Variants in CDKAL1 observed in about 807,000 individuals in gnomAD.
CDKAL1 encodes the protein CDKAL1 threonylcarbamoyladenosine tRNA methylthiotransferase, also known as threonylcarbamoyladenosine tRNA methylthiotransferase.
Under a neutral mutation model 68.2 loss-of-function variants are expected in CDKAL1, and 32 were observed. The observed-to-expected ratio is 0.47, with a 90% CI of 0.35 to 0.63. CDKAL1 has a LOEUF of 0.63. Among genes scored for constraint, CDKAL1 ranks in the 30% least tolerant of loss-of-function variants. The pLI is 0.00. For synonymous variants in CDKAL1, 234 were observed against 244.3 expected (o/e 0.96, Z 0.39); for missense variants, 606 against 696.7 (o/e 0.87, Z 1.47).
At chr6:21,067,846 A>C (rs1387583983) in intron 12 of CDKAL1, among the ~76,000 whole-genome samples, 1 of 152,232 alleles carries the variant, frequency 6.6e-6, no homozygotes, top group Non-Finnish European at 1.5e-5. Flanking sequence ...AAATGGTAGA[A>C]GCTCCATATT....
intron 13 of CDKAL1, among the ~76,000 whole-genome samples, chr6:21,151,684 T>C (rs150698197): frequency 1.6e-4 from 24 of 152,318 alleles, no homozygotes; most frequent in African/African-American, 5.8e-4. Context: ...CCTTATCTCA[T>C]TTCCCCCTTT....
At chr6:21,107,778 C>T (rs553651866) in intron 12 of CDKAL1, among the ~76,000 whole-genome samples, 1 of 152,294 alleles carries the variant, frequency 6.6e-6, no homozygotes, top group East Asian at 1.9e-4. Context: ...TATGTGTCAT[C>T]ATTACAGATA....
intron 7 of CDKAL1, among the ~76,000 whole-genome samples, chr6:20,760,217 C>T (rs912538315): frequency 3.3e-5 from 5 of 152,024 alleles, no homozygotes; most frequent in Non-Finnish European, 7.4e-5. Flanking sequence ...TGGGGTCAAA[C>T]GATCCACCCA....
At chr6:20,610,020 C>T (rs1344634152) in intron 4 of CDKAL1, among the ~76,000 whole-genome samples, 1 of 152,118 alleles carries the variant, frequency 6.6e-6, no homozygotes, top group Admixed American at 6.5e-5. Context: ...TATAAGAGAA[C>T]ATGCAGTATT....
chr6:20,739,668 A>C lies in CDKAL1; in HGVS notation c.468+53A>C. The C allele has an allele frequency of 3.2e-6, 3 of 932,628 alleles. No individual in the cohort carries two copies. In the Admixed American group the frequency reaches 6.7e-5, roughly 21 times the overall value. 57.8% of individuals were successfully genotyped at this position (932,628 alleles called of 1,614,324 possible). ...AAAATCTTACATTGTTAACACCTGT[A>C]ATAGCTCCGCATTTTATTTTCTGTT... On this transcript the variant is annotated intron_variant, in intron 6 of 15. Coordinates refer to ENST00000274695, the MANE Select transcript of CDKAL1 (RefSeq NM_017774.3).
intron 15 of CDKAL1, among the ~76,000 whole-genome samples, chr6:21,212,855 C>T (rs1033348616): frequency 3.3e-5 from 5 of 152,128 alleles, no homozygotes; most frequent in South Asian, 4.1e-4. Flanking sequence ...TATTGAGAAA[C>T]AGAAATTTTC....
chr6:20,930,260 A>T (rs934697710), intron 9 of CDKAL1, among the ~76,000 whole-genome samples: 34 of 145,626 alleles, frequency 2.3e-4, no homozygotes, highest in African/African-American at 7.6e-4. Context: ...CGTGAATTAA[A>T]AAAAAAAAAA....
At chr6:21,139,940 T>A (rs1775815327) in intron 13 of CDKAL1, among the ~76,000 whole-genome samples, 1 of 152,236 alleles carries the variant, frequency 6.6e-6, no homozygotes, top group Non-Finnish European at 1.5e-5. Context: ...CAAGGGTATT[T>A]TCTTCACAAT....
At chr6:20,933,644 T>TG (rs1763569528) in intron 9 of CDKAL1, among the ~76,000 whole-genome samples, 3 of 152,244 alleles carry the variant, frequency 2.0e-5, no homozygotes, top group African/African-American at 7.2e-5. Context: ...TGAAGCATTT[T>TG]GTAACTAATT....
At position 21,230,909 on chromosome 6, in the gene CDKAL1, A is replaced by G. The variant is rs1220521448; in HGVS notation, c.1610A>G (p.Gln537Arg). 1.9e-6 allele frequency: 3 copies of G among 1,613,962 alleles called. No homozygotes were observed. The Admixed American group carries it at 5.0e-5, about 27-fold the overall frequency. ...GGATCCCACACCTCTGCTGCATCTC[A>G]GTGTGACTCAGCGAGTTCCAGAATG... ...SSGSHTSAAS[Q>R]CDSASSRMVL... The change falls in exon 16 of 16, where the codon CAG (glutamine) becomes CGG (arginine). Residue 537 changes from glutamine to arginine, a missense_variant. Physicochemically the swap from Gln to Arg is conservative, Grantham distance 43. Coordinates refer to ENST00000274695, the MANE Select transcript of CDKAL1 (RefSeq NM_017774.3).
At chr6:21,085,188 G>A (rs1467055469) in intron 12 of CDKAL1, among the ~76,000 whole-genome samples, 1 of 152,174 alleles carries the variant, frequency 6.6e-6, no homozygotes, top group Non-Finnish European at 1.5e-5. Context: ...CTTTTTGCCT[G>A]TAATCACCCA....
chr6:20,662,300 C>T (rs1466696878), intron 5 of CDKAL1, among the ~76,000 whole-genome samples: 1 of 151,982 alleles, frequency 6.6e-6, no homozygotes, highest in African/African-American at 2.4e-5. Context: ...TTCTCTGGGC[C>T]ACATTAATGA....
chr6:20,770,428 C>T (rs369723486), intron 7 of CDKAL1, among the ~76,000 whole-genome samples: 12 of 152,094 alleles, frequency 7.9e-5, no homozygotes, highest in Non-Finnish European at 1.3e-4. Context: ...AAAAATCCTG[C>T]GATGTTTTTT....
intron 10 of CDKAL1, among the ~76,000 whole-genome samples, chr6:20,999,586 G>A (rs1424695057): frequency 6.7e-6 from 1 of 149,364 alleles, no homozygotes; most frequent in Non-Finnish European, 1.5e-5. Context: ...TAGGTGCCCA[G>A]TGGTGAAGTG....
rs141390314 is a variant in CDKAL1 at position 20,982,383 on chromosome 6, T to C, written c.910-17844T>C. On this transcript the variant is annotated intron_variant, in intron 10 of 15. Coordinates refer to ENST00000274695, the MANE Select transcript of CDKAL1 (RefSeq NM_017774.3). The stretch of plus-strand genomic sequence containing the variant: ...CTGAAGGAAATTCTTAGCATATAAA[T>C]AAATAAAGTGTACTGGATTTCCTTA... Among the ~76,000 whole-genome samples the C allele has an allele frequency of 8.9e-4, 136 of 152,256 alleles. 1 individual carries two copies. In the Middle Eastern group the frequency reaches 0.027, roughly 31 times the overall value.
At chr6:20,688,033 CTTTAT>C (rs1770705988) in intron 5 of CDKAL1, among the ~76,000 whole-genome samples, 1 of 151,918 alleles carries the variant, frequency 6.6e-6, no homozygotes, top group Non-Finnish European at 1.5e-5. Flanking sequence ...TTTATCAACA[CTTTAT>C]TTTACTTTAC....
chr6:20,942,994 A>G (rs1387849242), intron 9 of CDKAL1, among the ~76,000 whole-genome samples: 1 of 150,070 alleles, frequency 6.7e-6, no homozygotes, highest in African/African-American at 2.4e-5. Context: ...TTTTATATAT[A>G]CCCACATGTT....
intron 15 of CDKAL1, among the ~76,000 whole-genome samples, chr6:21,205,679 C>A (rs545928468): frequency 3.5e-4 from 53 of 150,840 alleles, no homozygotes; most frequent in Middle Eastern, 6.8e-3. Context: ...CACAGGAACC[C>A]GCCACCACGC....
chr6:20,741,383 C>A (rs530696390), intron 6 of CDKAL1, among the ~76,000 whole-genome samples: 1 of 151,944 alleles, frequency 6.6e-6, no homozygotes, highest in Admixed American at 6.6e-5. Context: ...AGGTTAAACA[C>A]GCGTCTGTTG....
Sources: gnomAD v4.1 joint callset for allele counts (sites outside exome capture counted in the v4.1 genomes callset) on GRCh38, gnomAD v4.1.1 for gene constraint, MANE v1.5 for transcripts, NCBI Gene and HGNC (gene_info 2026-07-23, HGNC 2026-07-21) for gene names.